Variants in CFAP61 observed in about 807,000 individuals in gnomAD.
CFAP61 encodes the protein cilia- and flagella-associated protein 61.
In CFAP61, 107 loss-of-function variants were observed where a neutral mutation model predicts 135.6. The ratio of observed to expected loss-of-function variants is 0.79; its 90% CI spans 0.67 to 0.93. The LOEUF (loss-of-function observed/expected upper bound fraction) is 0.93, where lower values mean the gene tolerates loss of function less well. Among genes scored for constraint, CFAP61 ranks in the 40% least tolerant of loss-of-function variants. CFAP61 has a pLI of 0.00. For synonymous variants in CFAP61, 575 were observed against 578.5 expected, an observed-to-expected ratio of 0.99 and a Z score of 0.09; for missense variants, 1,507 against 1,556.2, an observed-to-expected ratio of 0.97 and a Z score of 0.53.
intron 8 of CFAP61, among the ~76,000 whole-genome samples, chr20:20,112,612 C>T (rs2048875678): frequency 6.6e-6 from 1 of 152,132 alleles, no homozygotes; most frequent in Non-Finnish European, 1.5e-5. Context: ...CATCATTCTT[C>T]TCCCACACTG....
intron 2 of CFAP61, among the ~76,000 whole-genome samples, chr20:20,057,545 C>T (rs902599311): frequency 3.3e-5 from 5 of 152,146 alleles, no homozygotes; most frequent in Admixed American, 6.5e-5. Flanking sequence ...TCAAACAGTA[C>T]GTTGGAAACC....
chr20:20,059,673 A>G (rs1204634169), intron 2 of CFAP61, among the ~76,000 whole-genome samples: 1 of 152,196 alleles, frequency 6.6e-6, no homozygotes. Flanking sequence ...TCATGTTTAA[A>G]CAAAAGTGAA....
At chr20:20,053,679 A>ACAT (rs140995867) in intron 1 of CFAP61, among the ~76,000 whole-genome samples, 1,907 of 152,318 alleles carry the variant, frequency 0.013, 37 homozygotes, top group East Asian at 0.092. Flanking sequence ...GTTATAACCA[A>ACAT]CATCAATGTA....
chr20:20,358,106 GGGCACACTGTGAGGGGTGGTA>G (rs1602197118), intron 26 of CFAP61, among the ~76,000 whole-genome samples: 1 of 143,914 alleles, frequency 6.9e-6, no homozygotes, highest in East Asian at 2.1e-4. Context: ...GAGGGGAGGT[GGGCACACTGTGAGGGGTGGTA>G]GTCACACTGA....
At position 20,359,313 on chromosome 20, in the gene CFAP61, G is replaced by A. The variant is rs6112874; in HGVS notation, c.3514-897G>A. 6.6e-6 allele frequency among the ~76,000 whole-genome samples: 1 copy of A among 152,012 alleles called. No individual in the cohort carries two copies. Among genetic ancestry groups the A allele is most frequent in the Non-Finnish European group, 1.5e-5 (1 of 67,982 alleles). On this transcript the variant is annotated intron_variant, in intron 26 of 26. Transcript: ENST00000245957. The surrounding 1 kb of genome is among the most constrained non-coding windows in gnomAD (Gnocchi z 4.0). ...TATAAGCAAGAAAACTTTTCATATA[G>A]GACCTTTCAAGTAAAAAGGTTTAAT...
chr20:20,189,713 T>C (rs767840181), intron 14 of CFAP61, among the ~76,000 whole-genome samples: 26 of 152,226 alleles, frequency 1.7e-4, no homozygotes, highest in Non-Finnish European at 3.1e-4. Flanking sequence ...GGAAACTGGA[T>C]CTCTAGTGTT....
intron 25 of CFAP61, among the ~76,000 whole-genome samples, chr20:20,298,773 A>G (rs142293567): frequency 2.0e-5 from 3 of 152,346 alleles, no homozygotes; most frequent in East Asian, 3.9e-4. Context: ...CTCCGCGATC[A>G]TGGGACGGGG....
chr20:20,196,712 TC>T lies in CFAP61; in HGVS notation c.1735del (p.Leu579CysfsTer3), dbSNP rs772551456. On this transcript the variant is annotated frameshift_variant, in exon 16 of 27. Coordinates refer to ENST00000245957, the MANE Select transcript of CFAP61 (RefSeq NM_015585.4). LOFTEE classifies it high-confidence loss of function. Reference sequence around the variant, plus strand: ...TACACCAAGTTCTTTCTGAAGGAGATCCTGCGTTTAGGCTTTAAATCCTGTC... The same window carrying T: ...TACACCAAGTTCTTTCTGAAGGAGATCTGCGTTTAGGCTTTAAATCCTGTC... ...RHYTKFFLKE[I>X]LRLGFKSCLY... is the part of the protein sequence containing the mutation. 1.9e-6 allele frequency: 3 copies of T among 1,614,184 alleles called. No individual in the cohort carries two copies. The South Asian group carries it at 3.3e-5, about 18-fold the overall frequency.
chr20:20,063,803 G>A (rs936602412), intron 2 of CFAP61, among the ~76,000 whole-genome samples: 60 of 152,264 alleles, frequency 3.9e-4, no homozygotes, highest in African/African-American at 1.4e-3. Flanking sequence ...AAATGGAAAG[G>A]AATGTGAATT....
intron 25 of CFAP61, among the ~76,000 whole-genome samples, chr20:20,319,675 T>C (rs2057336223): frequency 6.6e-6 from 1 of 152,352 alleles, no homozygotes; most frequent in Non-Finnish European, 1.5e-5. Context: ...CTCTTTTCTT[T>C]GTAAATTACC....
At chr20:20,338,845 T>C (rs1293585454) in intron 25 of CFAP61, among the ~76,000 whole-genome samples, 1 of 152,226 alleles carries the variant, frequency 6.6e-6, no homozygotes, top group Non-Finnish European at 1.5e-5. Context: ...AGACGTCTAG[T>C]CAATTGCTTA....
chr20:20,264,923 C>T (rs894109645), intron 21 of CFAP61, among the ~76,000 whole-genome samples: 1 of 152,110 alleles, frequency 6.6e-6, no homozygotes, highest in Non-Finnish European at 1.5e-5. Context: ...CTTTGCAGGC[C>T]ATATGGTCTC....
intron 8 of CFAP61, among the ~76,000 whole-genome samples, chr20:20,130,035 AT>A (rs1196712424): frequency 1.3e-5 from 2 of 151,658 alleles, no homozygotes; most frequent in Non-Finnish European, 2.9e-5. Flanking sequence ...TACACCTGTA[AT>A]CACAACACTT....
At chr20:20,229,901 C>T (rs2049004438) in intron 18 of CFAP61, among the ~76,000 whole-genome samples, 1 of 152,124 alleles carries the variant, frequency 6.6e-6, no homozygotes, top group South Asian at 2.1e-4. Flanking sequence ...GGGTATGCCA[C>T]GTTATAGTCT....
intron 26 of CFAP61, 68 bp downstream of exon 26, chr20:20,341,989 T>C (rs1305460726): frequency 1.8e-6 from 2 of 1,102,274 alleles, no homozygotes; most frequent in Admixed American, 4.2e-5. Context: ...CTGTTGATCA[T>C]TTAGACTTTT....
intron 9 of CFAP61, among the ~76,000 whole-genome samples, chr20:20,147,776 T>C (rs759428431): frequency 1.3e-5 from 2 of 152,064 alleles, no homozygotes; most frequent in African/African-American, 4.8e-5. Context: ...GGTTTTTTGT[T>C]TTTTTTTTTG....
intron 10 of CFAP61, among the ~76,000 whole-genome samples, chr20:20,160,620 G>A (rs1450876791): frequency 6.6e-6 from 1 of 152,206 alleles, no homozygotes; most frequent in Non-Finnish European, 1.5e-5. Flanking sequence ...GAGGGGAGGA[G>A]AAAACACACA....
chr20:20,323,458 C>A (rs2057617837), intron 25 of CFAP61: 1 of 277,904 alleles, frequency 3.6e-6, no homozygotes, highest in Non-Finnish European at 5.5e-6. Context: ...CATATGATTG[C>A]TGAAAATGTT....
At chr20:20,314,414 C>A (rs1261746328) in intron 25 of CFAP61, among the ~76,000 whole-genome samples, 28 of 145,890 alleles carry the variant, frequency 1.9e-4, no homozygotes, top group Admixed American at 5.6e-4. Context: ...AAAAAATCAA[C>A]ATGAGTTTTG....
Sources: allele counts gnomAD v4.1 joint callset (sites outside exome capture counted in the v4.1 genomes callset), GRCh38; gene constraint gnomAD v4.1.1; non-coding constraint Gnocchi (gnomAD v3.1); transcripts MANE v1.5; gene names NCBI Gene and HGNC (gene_info 2026-07-23, HGNC 2026-07-21).